CNGB3: variants seen among roughly 807,000 people sequenced by gnomAD.
The protein encoded by CNGB3 is cyclic nucleotide gated channel subunit beta 3.
A neutral mutation model predicts 92.8 loss-of-function variants in CNGB3; 86 were observed. The ratio of observed to expected loss-of-function variants is 0.93; its 90% CI spans 0.78 to 1.11. The LOEUF is 1.11. CNGB3 is among the 50% of genes least tolerant of loss of function. CNGB3 has a pLI of 0.00. For synonymous variants in CNGB3, 333 were observed against 332.7 expected (o/e 1.00, Z -0.01); for missense variants, 1,026 against 956.8 (o/e 1.07, Z -0.95).
At chr8:86,712,706 G>A (rs540578226) in intron 3 of CNGB3, among the ~76,000 whole-genome samples, 21 of 151,202 alleles carry the variant, frequency 1.4e-4, no homozygotes, top group African/African-American at 4.8e-4. Context: ...TATCTGGTAG[G>A]AATACTACTA....
At chr8:86,631,064 G>T (rs1482786073) in intron 11 of CNGB3, among the ~76,000 whole-genome samples, 1 of 152,080 alleles carries the variant, frequency 6.6e-6, no homozygotes, top group African/African-American at 2.4e-5. Context: ...TTCTCTTGTG[G>T]TCTACTACCA....
chr8:86,726,791 T>C (rs1317681541), intron 2 of CNGB3, 134 bp from the exon 3 acceptor site: 4 of 997,136 alleles, frequency 4.0e-6, no homozygotes, highest in Non-Finnish European at 6.3e-6. Context: ...CTGGGACTTC[T>C]GCTAAACAAA....
chr8:86,663,267 G>T (rs1267492635), intron 6 of CNGB3, among the ~76,000 whole-genome samples: 1 of 152,136 alleles, frequency 6.6e-6, no homozygotes, highest in Non-Finnish European at 1.5e-5. Flanking sequence ...TTTAGCAAAG[G>T]GCTGTGCATG....
chr8:86,722,586 A>G (rs1323790149), intron 3 of CNGB3, among the ~76,000 whole-genome samples: 1 of 152,110 alleles, frequency 6.6e-6, no homozygotes, highest in Non-Finnish European at 1.5e-5. Flanking sequence ...GTCTTTGAGG[A>G]TATTTTGGAT....
At chr8:86,689,522 TTTA>T (rs1343048052) in intron 3 of CNGB3, among the ~76,000 whole-genome samples, 1 of 150,618 alleles carries the variant, frequency 6.6e-6, no homozygotes, top group African/African-American at 2.4e-5. Context: ...TTTTTTACTT[TTTA>T]TTTTTATTAT....
intron 7 of CNGB3, among the ~76,000 whole-genome samples, chr8:86,648,915 C>T (rs1823344962): frequency 6.6e-6 from 1 of 151,370 alleles, no homozygotes. Flanking sequence ...AAAGACATCT[C>T]CAAAAGACTT....
At position 86,611,672 on chromosome 8, in the gene CNGB3, CT is replaced by C. The variant is rs1243555074; in HGVS notation, c.1579-2del. ...CATAAATCATCTGTGTATCACAACC[CT>C]ATATAAAAAGAAAAATAATTCTTAT... is the stretch of plus-strand genomic sequence containing the variant. On this transcript the variant is annotated splice_acceptor_variant, in intron 13 of 17. Transcript: ENST00000320005. LOFTEE classifies it high-confidence loss of function. 6.2e-7 allele frequency: 1 copy of C among 1,603,758 alleles called. No homozygotes were observed. Among genetic ancestry groups the C allele is most frequent in the African/African-American group, 1.3e-5 (1 of 74,606 alleles).
intron 6 of CNGB3, chr8:86,657,847 TC>T: frequency 1.9e-6 from 1 of 529,704 alleles, no homozygotes; most frequent in South Asian, 1.4e-5. Flanking sequence ...GACCTCTAGC[TC>T]TGGTACAGTG....
At chr8:86,588,402 TC>T (rs1821941663) in intron 15 of CNGB3, among the ~76,000 whole-genome samples, 1 of 123,730 alleles carries the variant, frequency 8.1e-6, no homozygotes, top group African/African-American at 3.4e-5. Flanking sequence ...AGAGAGGGCA[TC>T]CCTGTCTTGT....
chr8:86,584,542 A>G (rs950269268), intron 15 of CNGB3, among the ~76,000 whole-genome samples: 46 of 151,632 alleles, frequency 3.0e-4, no homozygotes, highest in Admixed American at 3.0e-3. Context: ...ATTTTGCCCA[A>G]ACTCTTTCAG....
Position 86,643,255 on chromosome 8 carries a change from C to A in CNGB3, c.1178+496G>T, listed in dbSNP as rs1823226781. 2.0e-5 allele frequency among the ~76,000 whole-genome samples: 3 copies of A among 151,492 alleles called. No individual in the cohort carries two copies. The South Asian group carries it at 6.2e-4, about 31-fold the overall frequency. On this transcript the variant is annotated intron_variant, in intron 10 of 17. Transcript: ENST00000320005. ...TAGACCAATTCATGGGGTACTCATG[C>A]AATTTTGTTACATGTATACAATGCA...
intron 11 of CNGB3, 110 bp from the exon 12 acceptor site, chr8:86,629,188 G>C: frequency 1.6e-6 from 2 of 1,227,266 alleles, no homozygotes; most frequent in Non-Finnish European, 2.4e-6. Flanking sequence ...CTGATTACTT[G>C]ATTTTATTCA....
chr8:86,675,358 C>A (rs549765360), intron 3 of CNGB3, among the ~76,000 whole-genome samples: 17 of 151,436 alleles, frequency 1.1e-4, no homozygotes, highest in East Asian at 3.9e-4. Flanking sequence ...CTGTTGTGAG[C>A]CACTGTCCCC....
chr8:86,659,766 C>T (rs1823595906), intron 6 of CNGB3: 1 of 369,168 alleles, frequency 2.7e-6, no homozygotes, highest in Non-Finnish European at 5.3e-6. Flanking sequence ...CCTGTAACCA[C>T]TCCCTTTGGC....
At chr8:86,659,105 C>T in intron 6 of CNGB3, 1 of 743,678 alleles carries the variant, frequency 1.3e-6, no homozygotes, top group Non-Finnish European at 2.3e-6. Context: ...TCTGTTCCCT[C>T]AGTTTGGCCA....
At chr8:86,616,697 A>T (rs1283397970) in intron 13 of CNGB3, among the ~76,000 whole-genome samples, 7 of 152,192 alleles carry the variant, frequency 4.6e-5, no homozygotes, top group South Asian at 4.1e-4. Context: ...TAATATTTAT[A>T]CTATGTTTTA....
chr8:86,687,548 G>C (rs1041828807), intron 3 of CNGB3, among the ~76,000 whole-genome samples: 2 of 152,034 alleles, frequency 1.3e-5, no homozygotes, highest in African/African-American at 4.8e-5. Context: ...AGAATAGGGA[G>C]AAACTGTTCA....
intron 14 of CNGB3, among the ~76,000 whole-genome samples, chr8:86,609,438 C>G (rs1174760908): frequency 6.6e-6 from 1 of 152,146 alleles, no homozygotes; most frequent in Non-Finnish European, 1.5e-5. Flanking sequence ...TCTTGCTTCC[C>G]ATTTTATCAT....
In CNGB3 at chr8:86,726,661, T is replaced by C. The variant is rs1198639547; in HGVS notation, c.212-4A>G. The C allele has an allele frequency of 3.1e-6, 5 of 1,613,348 alleles. No individual in the cohort carries two copies. Among genetic ancestry groups the C allele is most frequent in the Non-Finnish European group, 3.4e-6 (4 of 1,179,556 alleles). ...GAATTTTTCTTGGAGAGTTTGTCTA[T>C]GAAAAAAAAATTCACATAGATAGAA... On this transcript the variant is annotated splice_polypyrimidine_tract_variant and splice_region_variant and intron_variant, in intron 2 of 17. Transcript: ENST00000320005.
Sources: allele counts gnomAD v4.1 joint callset (sites outside exome capture counted in the v4.1 genomes callset), GRCh38; gene constraint gnomAD v4.1.1; transcripts MANE v1.5; gene names NCBI Gene and HGNC (gene_info 2026-07-23, HGNC 2026-07-21).